Variants in ADAM12 observed in about 807,000 individuals in gnomAD.
ADAM12 encodes ADAM metallopeptidase domain 12, also known as disintegrin and metalloproteinase domain-containing protein 12.
ADAM12 carries 70 observed loss-of-function variants against 106.4 expected under a neutral mutation model. The observed-to-expected ratio is 0.66, with a 90% CI of 0.54 to 0.80. ADAM12 has a LOEUF of 0.80. Ranked by LOEUF, ADAM12 falls within the 30% of genes least tolerant of loss-of-function variation. The pLI, the probability that ADAM12 is intolerant of heterozygous loss-of-function variation, is 0.00. For missense variants in ADAM12, 1,010 were observed against 1,171.9 expected, an observed-to-expected ratio of 0.86 and a Z score of 2.02; for synonymous variants, 420 against 433.5, an observed-to-expected ratio of 0.97 and a Z score of 0.39.
chr10:126,252,105 A>ACATGATGGATGGG (rs1489159973), intron 3 of ADAM12, among the ~76,000 whole-genome samples: 1 of 55,822 alleles, frequency 1.8e-5, no homozygotes, highest in Non-Finnish European at 5.1e-5. Context: ...GATGGATTGG[A>ACATGATGGATGGG]TGGATGGATG....
At chr10:126,126,775 C>T (rs993513968) in intron 5 of ADAM12, among the ~76,000 whole-genome samples, 3 of 151,710 alleles carry the variant, frequency 2.0e-5, no homozygotes, top group Non-Finnish European at 2.9e-5. Flanking sequence ...ATGAAGGAGA[C>T]GCTATAGGGG....
intron 3 of ADAM12, among the ~76,000 whole-genome samples, chr10:126,173,698 C>T (rs1046185841): frequency 5.9e-5 from 9 of 152,000 alleles, no homozygotes; most frequent in Non-Finnish European, 1.3e-4. Flanking sequence ...AATCACAATG[C>T]TAATTCAGTC....
Position 126,273,634 on chromosome 10 carries a change from G to T in ADAM12, c.260+5281C>A, listed in dbSNP as rs150178791. On this transcript the variant is annotated intron_variant, in intron 3 of 22. Coordinates refer to ENST00000448723, the MANE Select transcript of ADAM12 (RefSeq NM_001288973.2). ...CCCGAAGGACCAGCCTGGCGTGTCT[G>T]TTCCAGGTCTTGTGAGCATTGAGAT... Among the ~76,000 whole-genome samples the T allele has an allele frequency of 6.1e-3, 928 of 152,280 alleles. 14 individuals are homozygous for T. Among genetic ancestry groups the T allele is most frequent in the African/African-American group, 0.021 (888 of 41,560 alleles).
At chr10:126,203,012 A>G (rs1279836249) in intron 3 of ADAM12, among the ~76,000 whole-genome samples, 1 of 152,246 alleles carries the variant, frequency 6.6e-6, no homozygotes, top group Non-Finnish European at 1.5e-5. Flanking sequence ...ACAAAGTTCC[A>G]TACTGGCTCC....
chr10:126,110,208 G>A (rs1457751424), intron 6 of ADAM12, among the ~76,000 whole-genome samples: 2 of 152,138 alleles, frequency 1.3e-5, no homozygotes, highest in Non-Finnish European at 2.9e-5. Flanking sequence ...TTCAGACCAC[G>A]TGTAGGTCTT....
intron 4 of ADAM12, among the ~76,000 whole-genome samples, chr10:126,135,926 G>A (rs1264222559): frequency 6.6e-6 from 1 of 152,172 alleles, no homozygotes; most frequent in Non-Finnish European, 1.5e-5. Context: ...GGAAAGCCCT[G>A]ATACAGAACG....
chr10:126,175,060 AT>A (rs1281024388), intron 3 of ADAM12, among the ~76,000 whole-genome samples: 1 of 151,752 alleles, frequency 6.6e-6, no homozygotes, highest in Non-Finnish European at 1.5e-5. Flanking sequence ...CCGGCCACCC[AT>A]TTTTATTAAA....
intron 6 of ADAM12, among the ~76,000 whole-genome samples, chr10:126,116,298 A>C (rs1178614826): frequency 6.6e-6 from 1 of 152,210 alleles, no homozygotes; most frequent in African/African-American, 2.4e-5. Context: ...CAAAGCAAAG[A>C]GCCTGGAAAA....
chr10:126,051,235 T>C (rs1342371612), intron 14 of ADAM12, among the ~76,000 whole-genome samples: 1 of 152,180 alleles, frequency 6.6e-6, no homozygotes, highest in African/African-American at 2.4e-5. Flanking sequence ...TCAAAGCAGT[T>C]TGGAAAAACT....
intron 4 of ADAM12, among the ~76,000 whole-genome samples, chr10:126,152,218 T>C (rs963055214): frequency 6.6e-6 from 1 of 152,048 alleles, no homozygotes; most frequent in Non-Finnish European, 1.5e-5. Context: ...TATTGAAAGC[T>C]TTTTTGGTAA....
chr10:126,222,674 C>T (rs1464640816), intron 3 of ADAM12, among the ~76,000 whole-genome samples: 4 of 152,004 alleles, frequency 2.6e-5, no homozygotes, highest in Non-Finnish European at 2.9e-5. Context: ...CCTGCGTTTC[C>T]GGGGTGTTTT....
intron 1 of ADAM12, among the ~76,000 whole-genome samples, chr10:126,352,740 G>C (rs1469183999): frequency 4.6e-5 from 7 of 152,244 alleles, no homozygotes; most frequent in Non-Finnish European, 8.8e-5. Context: ...TGCTGAGCAG[G>C]GGAAGGGCTG....
At position 126,138,817 on chromosome 10, in the gene ADAM12, C is replaced by CTTTTTTT. The variant is rs71486579; in HGVS notation, c.340-3158_340-3157insAAAAAAA. On this transcript the variant is annotated intron_variant, in intron 4 of 22. Transcript: ENST00000448723. ...TAAGGTCATAAAGATCTACACATAT[C>CTTTTTTT]TTTTTCTTTTTAAGAGTTGTATGGG... 6.3e-4 allele frequency among the ~76,000 whole-genome samples: 80 copies of CTTTTTTT among 127,978 alleles called. 1 individual carries two copies. Among genetic ancestry groups the CTTTTTTT allele is most frequent in the African/African-American group, 7.2e-4 (21 of 29,118 alleles). 84.0% of individuals were successfully genotyped at this position (127,978 alleles called of 152,430 possible). A position where few individuals can be genotyped will look rare whatever the true frequency, so the allele number is the denominator to read the frequency against.
chr10:126,155,400 C>T, intron 3 of ADAM12, 95 bp from the exon 4 acceptor site: 1 of 1,127,928 alleles, frequency 8.9e-7, no homozygotes, highest in Non-Finnish European at 1.3e-6. Flanking sequence ...AAGATTGTGA[C>T]CTCCTTTTTT....
intron 1 of ADAM12, among the ~76,000 whole-genome samples, chr10:126,387,550 G>A (rs1041845848): frequency 6.6e-6 from 1 of 152,166 alleles, no homozygotes; most frequent in Non-Finnish European, 1.5e-5. Flanking sequence ...GTGGAGAGCA[G>A]CAGGCACACC....
intron 2 of ADAM12, among the ~76,000 whole-genome samples, chr10:126,309,110 C>A (rs1308755384): frequency 6.6e-6 from 1 of 151,128 alleles, no homozygotes; most frequent in Non-Finnish European, 1.5e-5. Flanking sequence ...GGACACATGG[C>A]CCAGGCTTGG....
chr10:126,144,138 G>A (rs780520113), intron 4 of ADAM12, among the ~76,000 whole-genome samples: 2 of 152,196 alleles, frequency 1.3e-5, no homozygotes, highest in African/African-American at 2.4e-5. Context: ...ATTCTGCAGA[G>A]AGAACAAACG....
At chr10:126,149,907 T>A (rs1364327132) in intron 4 of ADAM12, among the ~76,000 whole-genome samples, 4 of 152,230 alleles carry the variant, frequency 2.6e-5, no homozygotes, top group Non-Finnish European at 5.9e-5. Flanking sequence ...CGTGTGAGTC[T>A]GTACTCCTTA....
intron 3 of ADAM12, among the ~76,000 whole-genome samples, chr10:126,202,000 G>A (rs533360669): frequency 2.6e-5 from 4 of 152,308 alleles, no homozygotes; most frequent in East Asian, 1.9e-4. Flanking sequence ...GTCAGAGCTC[G>A]TCCAGTGGAA....
Sources: allele counts gnomAD v4.1 joint callset (sites outside exome capture counted in the v4.1 genomes callset), GRCh38; gene constraint gnomAD v4.1.1; transcripts MANE v1.5; gene names NCBI Gene and HGNC (gene_info 2026-07-23, HGNC 2026-07-21).